The following RPS6KA2 variants were observed in gnomAD, a reference collection of about 807,000 sequenced individuals.
RPS6KA2 encodes the protein ribosomal protein S6 kinase alpha-2.
In RPS6KA2, 42 loss-of-function variants were observed where a neutral mutation model predicts 91.8. That is an observed-to-expected ratio of 0.46 (90% CI 0.36 to 0.59). The LOEUF (loss-of-function observed/expected upper bound fraction) is 0.59. Ranked by LOEUF, RPS6KA2 falls within the 20% of genes least tolerant of loss-of-function variation. The pLI is 0.00. For synonymous variants in RPS6KA2, 414 were observed against 393.6 expected, an observed-to-expected ratio of 1.05 and a Z score of -0.61; for missense variants, 798 against 978.5, an observed-to-expected ratio of 0.82 and a Z score of 2.46.
At chr6:166,660,418 G>T (rs1257644418) in intron 2 of RPS6KA2, among the ~76,000 whole-genome samples, 2 of 151,844 alleles carry the variant, frequency 1.3e-5, no homozygotes, top group East Asian at 3.9e-4. Context: ...GTGTGTGTGT[G>T]TGTGAGAGAG....
intron 14 of RPS6KA2, among the ~76,000 whole-genome samples, chr6:166,441,092 T>C (rs143545159): frequency 1.0e-3 from 155 of 152,372 alleles, no homozygotes; most frequent in Non-Finnish European, 1.9e-3. Context: ...GAGAAATTTA[T>C]GCCACCGTTT....
At chr6:166,687,430 C>A (rs1431340447) in intron 2 of RPS6KA2, among the ~76,000 whole-genome samples, 1 of 152,188 alleles carries the variant, frequency 6.6e-6, no homozygotes, top group Non-Finnish European at 1.5e-5. Context: ...CACCTCCCTG[C>A]CTGTGAGCGT....
At chr6:166,473,141 C>T (rs193202700) in intron 10 of RPS6KA2, among the ~76,000 whole-genome samples, 19 of 152,242 alleles carry the variant, frequency 1.2e-4, no homozygotes, top group Admixed American at 1.2e-3. Flanking sequence ...AATTTTGCAA[C>T]CAGTTGGAAC....
At position 166,495,618 on chromosome 6, in the gene RPS6KA2, G is replaced by T. The variant is rs1256344515; in HGVS notation, c.747+2890C>A. Among the ~76,000 whole-genome samples, 1 of 152,192 alleles carries T rather than the reference G, an allele frequency of 6.6e-6. No homozygotes were observed. The highest frequency in any genetic ancestry group is 1.5e-5 in the Non-Finnish European group (1 of 68,040). On this transcript the variant is annotated intron_variant, in intron 8 of 20. Transcript: ENST00000265678. This position sits in a 1 kb window ranked among gnomAD's most constrained non-coding sequence, Gnocchi z 4.4. ...ACCCTGTTGTCTTCACTCCCTCATG[G>T]GTCCCTTGGAGGCCTGGCCAGGTGC...
rs1419818438 is a variant in RPS6KA2 at position 166,662,488 on chromosome 6, G to C, written c.124-123704C>G. Among the ~76,000 whole-genome samples, 1 of 152,170 alleles carries C rather than the reference G, an allele frequency of 6.6e-6. No individual in the cohort carries two copies. The highest frequency in any genetic ancestry group is 2.4e-5 in the African/African-American group (1 of 41,430). On this transcript the variant is annotated intron_variant, in intron 2 of 21. Coordinates refer to the RPS6KA2 transcript ENST00000503859. The surrounding 1 kb of genome is among the most constrained non-coding windows in gnomAD (Gnocchi z 4.3). ...TGCAAATCCAATGCCTATGTTACAG[G>C]AGTGCAGTTTTATGTTTGGAAAGAG... is the stretch of plus-strand genomic sequence containing the variant.
chr6:166,687,238 C>A (rs1016909458), intron 2 of RPS6KA2, among the ~76,000 whole-genome samples: 2 of 152,220 alleles, frequency 1.3e-5, no homozygotes, highest in African/African-American at 4.8e-5. Flanking sequence ...AGGTGCGATA[C>A]CTGCCTCGCT....
intron 1 of RPS6KA2, among the ~76,000 whole-genome samples, chr6:166,573,167 G>C (rs1048087612): frequency 6.6e-5 from 10 of 152,206 alleles, no homozygotes; most frequent in African/African-American, 2.2e-4. Context: ...ATCAGATGCA[G>C]AAAGTCCATT....
chr6:166,721,783 C>T (rs1204163155), intron 2 of RPS6KA2, among the ~76,000 whole-genome samples: 1 of 152,110 alleles, frequency 6.6e-6, no homozygotes, highest in Non-Finnish European at 1.5e-5. Flanking sequence ...TGCAACCTCG[C>T]TCATCAGCTC....
At chr6:166,697,478 T>C (rs989767421) in intron 2 of RPS6KA2, among the ~76,000 whole-genome samples, 1 of 152,248 alleles carries the variant, frequency 6.6e-6, no homozygotes, top group African/African-American at 2.4e-5. Context: ...GGAATCTCCA[T>C]AAAGATGAAG....
intron 5 of RPS6KA2, among the ~76,000 whole-genome samples, chr6:166,505,839 GGACT>G (rs1220259368): frequency 6.6e-6 from 1 of 152,226 alleles, no homozygotes; most frequent in African/African-American, 2.4e-5. Context: ...GGTGCTCAGT[GGACT>G]GACTGACAGC....
chr6:166,862,411 C>A, exon 1 of RPS6KA2: 4 of 1,356,506 alleles, frequency 2.9e-6, no homozygotes, highest in Middle Eastern at 2.9e-4. Flanking sequence ...GCGCCGTCCC[C>A]TCCCTGCCAA....
At chr6:166,439,237 A>T (rs1562494360) in intron 14 of RPS6KA2, among the ~76,000 whole-genome samples, 2 of 152,080 alleles carry the variant, frequency 1.3e-5, no homozygotes. Context: ...CCTCCTGAGT[A>T]GTTCGGATTA....
chr6:166,546,464 T>C (rs1783831275), intron 1 of RPS6KA2, among the ~76,000 whole-genome samples: 1 of 149,588 alleles, frequency 6.7e-6, no homozygotes, highest in African/African-American at 2.5e-5. Context: ...TGCTAGTGTG[T>C]CACCCTGACT....
intron 1 of RPS6KA2, among the ~76,000 whole-genome samples, chr6:166,578,763 C>A: frequency 6.6e-6 from 1 of 152,318 alleles, no homozygotes; most frequent in South Asian, 2.1e-4. Context: ...CCTACTCAAT[C>A]AGAGTGTCTG....
chr6:166,525,376 G>A (rs1488301316), intron 3 of RPS6KA2, among the ~76,000 whole-genome samples: 9 of 152,110 alleles, frequency 5.9e-5, no homozygotes, highest in East Asian at 1.9e-4. Flanking sequence ...CAGCACCGCC[G>A]GGTCAGAGGG....
intron 2 of RPS6KA2, among the ~76,000 whole-genome samples, chr6:166,840,807 CA>C (rs928270476): frequency 6.6e-6 from 1 of 151,824 alleles, no homozygotes; most frequent in African/African-American, 2.4e-5. Flanking sequence ...ACTAAAAATA[CA>C]AAAAATTAGC....
At chr6:166,451,023 T>G in intron 13 of RPS6KA2, 80 bp downstream of exon 13, 2 of 1,568,604 alleles carry the variant, frequency 1.3e-6, no homozygotes, top group Admixed American at 1.7e-5. Context: ...CCCGGGTGAC[T>G]GAGGCCACAG....
chr6:166,551,449 C>T (rs1354842808), intron 1 of RPS6KA2, among the ~76,000 whole-genome samples: 1 of 152,170 alleles, frequency 6.6e-6, no homozygotes, highest in African/African-American at 2.4e-5. Flanking sequence ...TGTGCTATTT[C>T]CTATCCTGAC....
intron 2 of RPS6KA2, among the ~76,000 whole-genome samples, chr6:166,708,064 A>G (rs149269046): frequency 2.0e-5 from 3 of 152,354 alleles, no homozygotes; most frequent in African/African-American, 7.2e-5. Flanking sequence ...TTCTTTTGCT[A>G]ATATTGTACA....
Sources: gnomAD v4.1 joint callset for allele counts (sites outside exome capture counted in the v4.1 genomes callset) on GRCh38, gnomAD v4.1.1 for gene constraint, Gnocchi (gnomAD v3.1) non-coding constraint, MANE v1.5 for transcripts, NCBI Gene and HGNC (gene_info 2026-07-23, HGNC 2026-07-21) for gene names.